ATRNL1: variants seen among roughly 807,000 people sequenced by gnomAD.
ATRNL1 encodes attractin-like protein 1.
Under a neutral mutation model 182.7 loss-of-function variants are expected in ATRNL1, and 95 were observed. That is an observed-to-expected ratio of 0.52 (90% CI 0.44 to 0.62). ATRNL1 has a LOEUF of 0.62. Ranked by LOEUF, ATRNL1 falls within the 20% of genes least tolerant of loss-of-function variation. ATRNL1 has a pLI of 0.00. For synonymous variants in ATRNL1, 576 were observed against 568.3 expected (o/e 1.01, Z -0.19); for missense variants, 1,471 against 1,679.5 (o/e 0.88, Z 2.17).
At chr10:115,296,683 G>GT (rs554175253) in intron 15 of ATRNL1, among the ~76,000 whole-genome samples, 1,858 of 148,240 alleles carry the variant, frequency 0.013, 33 homozygotes, top group African/African-American at 0.041. Context: ...TTGGCCTTAA[G>GT]TTTTTTTTTT....
chr10:115,356,833 T>G (rs782783806), intron 19 of ATRNL1, among the ~76,000 whole-genome samples: 15 of 152,150 alleles, frequency 9.9e-5, no homozygotes, highest in Non-Finnish European at 2.1e-4. Context: ...TCTTCACCTC[T>G]GGTTTACAAG....
At chr10:115,706,629 A>G (rs1946908206) in intron 26 of ATRNL1, among the ~76,000 whole-genome samples, 1 of 151,930 alleles carries the variant, frequency 6.6e-6, no homozygotes, top group Admixed American at 6.6e-5. Context: ...TCTGAAATAG[A>G]AATAGGTTAA....
At chr10:115,686,168 CAGAA>C (rs1565285047) in intron 26 of ATRNL1, among the ~76,000 whole-genome samples, 1 of 151,734 alleles carries the variant, frequency 6.6e-6, no homozygotes, top group Non-Finnish European at 1.5e-5. Flanking sequence ...TCTATTTTCT[CAGAA>C]GGAAGTGCTA....
chr10:115,223,988 T>A (rs982723234), intron 9 of ATRNL1, among the ~76,000 whole-genome samples: 1 of 137,920 alleles, frequency 7.3e-6, no homozygotes, highest in Admixed American at 7.8e-5. Context: ...CAGCCTGGAG[T>A]GCAGTGACAC....
chr10:115,664,677 A>C (rs1230048666), intron 26 of ATRNL1, among the ~76,000 whole-genome samples: 5 of 152,166 alleles, frequency 3.3e-5, no homozygotes, highest in African/African-American at 4.8e-5. Flanking sequence ...TCATATAAAT[A>C]ATTTAATAGA....
intron 26 of ATRNL1, among the ~76,000 whole-genome samples, chr10:115,628,240 G>T: frequency 6.6e-6 from 1 of 151,404 alleles, no homozygotes; most frequent in East Asian, 1.9e-4. Context: ...TCACATTTTT[G>T]CCATCACTTA....
intron 19 of ATRNL1, among the ~76,000 whole-genome samples, chr10:115,366,529 A>T (rs1277484095): frequency 1.3e-5 from 2 of 151,402 alleles, no homozygotes; most frequent in Non-Finnish European, 2.9e-5. Context: ...TTTAAACTTA[A>T]TATTGTTATG....
intron 26 of ATRNL1, among the ~76,000 whole-genome samples, chr10:115,631,608 G>A (rs1441240739): frequency 1.3e-5 from 2 of 152,030 alleles, no homozygotes; most frequent in Non-Finnish European, 2.9e-5. Flanking sequence ...AATTATATAA[G>A]CACATAATTG....
chr10:115,416,633 T>G (rs1459242599), intron 20 of ATRNL1, among the ~76,000 whole-genome samples: 1 of 152,178 alleles, frequency 6.6e-6, no homozygotes, highest in East Asian at 1.9e-4. Flanking sequence ...AGTTACTTCC[T>G]ACACAAGAAC....
At chr10:115,345,716 A>AT (rs1327687892) in intron 19 of ATRNL1, among the ~76,000 whole-genome samples, 1 of 152,100 alleles carries the variant, frequency 6.6e-6, no homozygotes, top group Non-Finnish European at 1.5e-5. Context: ...TTTCTTAAAC[A>AT]TTTTTTATCA....
chr10:115,475,912 C>T lies in ATRNL1; in HGVS notation c.3654+6583C>T, dbSNP rs570986845. Among the ~76,000 whole-genome samples the T allele has an allele frequency of 4.6e-5, 7 of 151,372 alleles. 1 individual carries two copies. In the South Asian group the frequency reaches 1.4e-3, roughly 31 times the overall value. Reference sequence around the variant, plus strand: ...ATCTATATTAGGTTGATTACTTCTACTACAAGTCATACAAAAATTATAACT... The same window carrying T: ...ATCTATATTAGGTTGATTACTTCTATTACAAGTCATACAAAAATTATAACT... On this transcript the variant is annotated intron_variant, in intron 24 of 28. Transcript: ENST00000355044.
intron 10 of ATRNL1, among the ~76,000 whole-genome samples, chr10:115,262,208 T>C (rs193089200): frequency 6.6e-6 from 1 of 151,170 alleles, no homozygotes. Context: ...TGTAGAAATA[T>C]TGGACTTTTG....
At chr10:115,304,915 G>A (rs1281169888) in intron 17 of ATRNL1, among the ~76,000 whole-genome samples, 1 of 152,110 alleles carries the variant, frequency 6.6e-6, no homozygotes, top group African/African-American at 2.4e-5. Context: ...TTTTCTGTTA[G>A]ACAAGAAACA....
At chr10:115,152,381 T>G (rs1554880907) in intron 5 of ATRNL1, among the ~76,000 whole-genome samples, 2 of 152,192 alleles carry the variant, frequency 1.3e-5, no homozygotes, top group African/African-American at 4.8e-5. Context: ...TGTGTCCTCT[T>G]TTATTTCATT....
intron 26 of ATRNL1, among the ~76,000 whole-genome samples, chr10:115,622,800 G>A (rs895484225): frequency 2.6e-5 from 4 of 151,986 alleles, no homozygotes; most frequent in African/African-American, 7.2e-5. Context: ...GGTGGCGGGC[G>A]CCTGTAGTCC....
chr10:115,559,132 C>T (rs1419677486), intron 26 of ATRNL1, among the ~76,000 whole-genome samples: 1 of 152,198 alleles, frequency 6.6e-6, no homozygotes, highest in Non-Finnish European at 1.5e-5. Flanking sequence ...CTGCTCAACA[C>T]CCTGCTCATG....
chr10:115,265,020 TGTTA>T (rs141842932), intron 10 of ATRNL1, among the ~76,000 whole-genome samples, 169 bp from the exon 11 acceptor site: 1,713 of 151,848 alleles, frequency 0.011, 28 homozygotes, highest in African/African-American at 0.038. Context: ...TAATGAATAA[TGTTA>T]GTTGAGTAAA....
chr10:115,629,172 G>A (rs1555025626), intron 26 of ATRNL1, among the ~76,000 whole-genome samples: 1 of 152,112 alleles, frequency 6.6e-6, no homozygotes, highest in Non-Finnish European at 1.5e-5. Context: ...ATATAATTAT[G>A]TAGATAATAT....
At chr10:115,221,711 G>A (rs781916224) in intron 9 of ATRNL1, among the ~76,000 whole-genome samples, 19 of 152,130 alleles carry the variant, frequency 1.2e-4, no homozygotes, top group Non-Finnish European at 1.6e-4. Context: ...ATATCCAGAT[G>A]TGCCAAGGAA....
Sources: gnomAD v4.1 joint callset for allele counts (sites outside exome capture counted in the v4.1 genomes callset) on GRCh38, gnomAD v4.1.1 for gene constraint, MANE v1.5 for transcripts, NCBI Gene and HGNC (gene_info 2026-07-23, HGNC 2026-07-21) for gene names.